The following FAM13B variants were observed in gnomAD, a reference collection of about 807,000 sequenced individuals.
FAM13B encodes the protein protein FAM13B.
Under a neutral mutation model 117.3 loss-of-function variants are expected in FAM13B, and 60 were observed. That is an observed-to-expected ratio of 0.51 (90% CI 0.42 to 0.63). The LOEUF is 0.63. FAM13B is among the 30% of genes least tolerant of loss of function. FAM13B has a pLI of 0.00. For synonymous variants in FAM13B, 332 were observed against 356.1 expected (o/e 0.93, Z 0.76); for missense variants, 972 against 1,091.9 (o/e 0.89, Z 1.55).
At chr5:138,045,077 G>A (rs12719512) in intron 1 of FAM13B, among the ~76,000 whole-genome samples, 111,810 of 152,074 alleles carry the variant, frequency 0.74, 41,795 homozygotes, top group East Asian at 0.97. Flanking sequence ...GAACTAAACA[G>A]TTCCACTCCT....
chr5:137,985,179 A>C, intron 10 of FAM13B, 78 bp downstream of exon 10: 4 of 1,414,680 alleles, frequency 2.8e-6, no homozygotes, highest in Non-Finnish European at 3.9e-6. Context: ...AAAATACTGA[A>C]CTATAACTTC....
chr5:138,036,023 G>GCAT (rs1397911915), upstream of FAM13B, among the ~76,000 whole-genome samples: 1 of 152,068 alleles, frequency 6.6e-6, no homozygotes, highest in East Asian at 1.9e-4. Context: ...TGAAACCTGG[G>GCAT]CATCTCTGTA....
At chr5:137,957,540 CA>C (rs35104775) in intron 13 of FAM13B, among the ~76,000 whole-genome samples, 3,101 of 55,452 alleles carry the variant, frequency 0.056, 71 homozygotes, top group African/African-American at 0.15. Context: ...AACTCCGTCT[CA>C]AAAAAAAAAA....
At chr5:138,003,770 G>A (rs759074366) in intron 7 of FAM13B, among the ~76,000 whole-genome samples, 1 of 152,216 alleles carries the variant, frequency 6.6e-6, no homozygotes, top group South Asian at 2.1e-4. Context: ...CAGAATAACA[G>A]ACAGACGGAG....
chr5:138,003,084 G>T (rs1053996473), intron 7 of FAM13B, among the ~76,000 whole-genome samples: 1 of 151,940 alleles, frequency 6.6e-6, no homozygotes, highest in African/African-American at 2.4e-5. Flanking sequence ...TAATTTCATA[G>T]AGGACACACC....
intron 9 of FAM13B, among the ~76,000 whole-genome samples, chr5:137,986,286 C>A (rs1196165622): frequency 6.6e-6 from 1 of 150,848 alleles, no homozygotes; most frequent in Non-Finnish European, 1.5e-5. Flanking sequence ...CATCCATTTA[C>A]ATTTTTCATT....
chr5:137,966,486 T>TAG (rs1244578551), intron 10 of FAM13B, among the ~76,000 whole-genome samples: 454 of 43,986 alleles, frequency 0.01, 2 homozygotes, highest in Middle Eastern at 0.03. Context: ...TATATATATA[T>TAG]ATAGAGAGAG....
intron 1 of FAM13B, chr5:138,039,404 T>C (rs1409121586): frequency 1.3e-5 from 2 of 152,100 alleles, no homozygotes; most frequent in African/African-American, 2.4e-5. Flanking sequence ...CCTTACAGGC[T>C]CTAGGCTTTT....
chr5:138,034,641 C>T (rs1790897473), upstream of FAM13B, among the ~76,000 whole-genome samples: 1 of 152,134 alleles, frequency 6.6e-6, no homozygotes, highest in South Asian at 2.1e-4. Context: ...TAAACTTGAG[C>T]GAAGTGAAAT....
Position 137,939,002 on chromosome 5 carries a change from G to A in FAM13B, c.*1223C>T, listed in dbSNP as rs1203132209. 6.6e-6 allele frequency: 1 copy of A among 152,096 alleles called. No individual in the cohort carries two copies. The highest frequency in any genetic ancestry group is 1.5e-5 in the Non-Finnish European group (1 of 68,024). The allele number at this position is 152,096 out of a possible 1,614,324, so 9.4% of individuals were successfully genotyped here. A position where few individuals can be genotyped will look rare whatever the true frequency, so the allele number is the denominator to read the frequency against. ...TTAGCACAAATGAAGTCACCATTCT[G>A]TAACAATGATTAGCAGAATGATACC... On this transcript the variant is annotated 3_prime_UTR_variant, in exon 24 of 24. Transcript: ENST00000689681.
intron 15 of FAM13B, 120 bp from the exon 16 acceptor site, chr5:137,953,585 A>G: frequency 1.1e-6 from 1 of 939,504 alleles, no homozygotes; most frequent in East Asian, 2.4e-5. Flanking sequence ...TAAGTCCCTA[A>G]CACTAAAGGA....
Position 137,956,480 on chromosome 5 carries a change from C to A in FAM13B, c.1504G>T (p.Glu502Ter), listed in dbSNP as rs1260612926. 1.9e-6 allele frequency: 3 copies of A among 1,597,102 alleles called. No individual in the cohort carries two copies. Among genetic ancestry groups the A allele is most frequent in the South Asian group, 1.1e-5 (1 of 87,502 alleles). The change falls in exon 14 of 24, where the codon GAG becomes TAG. Residue 502 changes from glutamate (E) to a stop codon, truncating the protein, a stop_gained. Transcript: ENST00000689681. LOFTEE classifies it high-confidence loss of function. ...AACTATGGTGAACCATACTTACCCT[C>A]CCCATCTCTCTGCAGATGCATTGTT... ...FKTMHLQRDG[E>*]EPFPAFKSWQ...
At chr5:138,026,969 A>G (rs969663642) in intron 1 of FAM13B, among the ~76,000 whole-genome samples, 1 of 150,166 alleles carries the variant, frequency 6.7e-6, no homozygotes, top group African/African-American at 2.4e-5. Context: ...AAATAAATAA[A>G]TAAATAAATA....
In FAM13B at chr5:137,945,865, T is replaced by C. The variant is rs750789373; in HGVS notation, c.2340+37A>G. 3.3e-6 allele frequency: 5 copies of C among 1,496,710 alleles called. No individual in the cohort carries two copies. In the African/African-American group the frequency reaches 6.9e-5, roughly 21 times the overall value. 92.7% of individuals were successfully genotyped at this position (1,496,710 alleles called of 1,614,324 possible). On this transcript the variant is annotated intron_variant, in intron 20 of 23. Coordinates refer to ENST00000689681, the MANE Select transcript of FAM13B (RefSeq NM_001385994.1). ...TTTTTTTGGGAAGAGTACATCTTGA[T>C]AAAATGAACCAGAGAATTATTGCTT...
chr5:137,986,076 CTTTT>C (rs146328965), intron 9 of FAM13B, among the ~76,000 whole-genome samples: 5 of 148,490 alleles, frequency 3.4e-5, no homozygotes, highest in Non-Finnish European at 7.5e-5. Context: ...TGTATACATG[CTTTT>C]TTTTTTAATG....
intron 4 of FAM13B, among the ~76,000 whole-genome samples, chr5:138,017,356 CAACAT>C (rs1283395106): frequency 6.6e-6 from 1 of 152,110 alleles, no homozygotes; most frequent in Admixed American, 6.6e-5. Flanking sequence ...CCTTCTCTGA[CAACAT>C]AATACTTAAG....
Position 138,049,431 on chromosome 5 carries a change from G to A in FAM13B, c.-203+2447C>T, listed in dbSNP as rs1307443309. On this transcript the variant is annotated intron_variant, in intron 1 of 3. Transcript: ENST00000502471. ...TGGGACTACAGGCGTGTGCTACCAC[G>A]CCCTACTAATTTTTTTTTTTTAGTA... Among the ~76,000 whole-genome samples, 7 of 151,706 alleles carry A rather than the reference G, an allele frequency of 4.6e-5. No homozygotes were observed. The South Asian group carries it at 6.2e-4, about 14-fold the overall frequency.
intron 20 of FAM13B, 81 bp from the exon 21 acceptor site, chr5:137,943,297 A>G (rs917528158): frequency 2.5e-5 from 27 of 1,069,966 alleles, no homozygotes; most frequent in Non-Finnish European, 3.4e-5. Context: ...TTATGTTACG[A>G]ATCTTCAACT....
chr5:138,000,800 G>A (rs1016816292), intron 7 of FAM13B, among the ~76,000 whole-genome samples: 7 of 151,888 alleles, frequency 4.6e-5, no homozygotes, highest in African/African-American at 1.2e-4. Flanking sequence ...GTGTGGTGGC[G>A]CACATCTGTG....
Sources: gnomAD v4.1 joint callset for allele counts (sites outside exome capture counted in the v4.1 genomes callset) on GRCh38, gnomAD v4.1.1 for gene constraint, MANE v1.5 for transcripts, NCBI Gene and HGNC (gene_info 2026-07-23, HGNC 2026-07-21) for gene names.